Variants in AFG2A observed in about 807,000 individuals in gnomAD.
AFG2A encodes the protein AAA ATPase AFG2A.
the AFG2A span, among the ~76,000 whole-genome samples, chr4:123,167,239 A>G: frequency 6.7e-6 from 1 of 148,882 alleles, no homozygotes; most frequent in Non-Finnish European, 1.5e-5. Flanking sequence ...ATAGATATCT[A>G]TATATAATAT....
At chr4:122,966,109 A>C in the AFG2A span, among the ~76,000 whole-genome samples, 1 of 152,156 alleles carries the variant, frequency 6.6e-6, no homozygotes. Flanking sequence ...TTTAACATTT[A>C]ATTCATACAA....
the AFG2A span, among the ~76,000 whole-genome samples, chr4:123,032,535 G>T: frequency 2.7e-4 from 41 of 152,150 alleles, no homozygotes; most frequent in East Asian, 3.1e-3. Context: ...GGGGTTACAG[G>T]CTCCCAAGTA....
chr4:123,115,734 C>G, the AFG2A span, among the ~76,000 whole-genome samples: 1 of 152,090 alleles, frequency 6.6e-6, no homozygotes, highest in Non-Finnish European at 1.5e-5. Flanking sequence ...CGTGCCCCAC[C>G]ACAGCCGGTC....
chr4:123,226,709 A>G, the AFG2A span, among the ~76,000 whole-genome samples: 1 of 152,068 alleles, frequency 6.6e-6, no homozygotes, highest in African/African-American at 2.4e-5. Flanking sequence ...TGGTATTAGG[A>G]TGATGCTGGC....
chr4:123,004,201 T>G, the AFG2A span, among the ~76,000 whole-genome samples: 1 of 152,166 alleles, frequency 6.6e-6, no homozygotes, highest in African/African-American at 2.4e-5. Context: ...ATTTTCCAGG[T>G]GCCCTCTGTT....
the AFG2A span, among the ~76,000 whole-genome samples, chr4:123,035,946 A>AT: frequency 6.6e-6 from 1 of 152,104 alleles, no homozygotes; most frequent in African/African-American, 2.4e-5. Context: ...GTTGGGTTTA[A>AT]TTTTTTATTC....
the AFG2A span, among the ~76,000 whole-genome samples, chr4:122,998,247 T>C: frequency 6.6e-6 from 1 of 152,198 alleles, no homozygotes. Flanking sequence ...AGGTTTACTC[T>C]GTTTTTTCTT....
chr4:123,025,103 C>CA, the AFG2A span, among the ~76,000 whole-genome samples: 1 of 152,240 alleles, frequency 6.6e-6, no homozygotes, highest in Non-Finnish European at 1.5e-5. Flanking sequence ...AATTCATCTA[C>CA]TGTTTTCCAG....
At chr4:123,210,382 AT>A in the AFG2A span, among the ~76,000 whole-genome samples, 1 of 152,120 alleles carries the variant, frequency 6.6e-6, no homozygotes, top group African/African-American at 2.4e-5. Context: ...GCTAACCACC[AT>A]TTACTCTCTC....
At chr4:123,004,252 T>C in the AFG2A span, among the ~76,000 whole-genome samples, 1 of 152,212 alleles carries the variant, frequency 6.6e-6, no homozygotes, top group Non-Finnish European at 1.5e-5. Flanking sequence ...CCTGATCCCT[T>C]GCGCTTCCCG....
the AFG2A span, among the ~76,000 whole-genome samples, chr4:123,209,691 G>A: frequency 6.6e-6 from 1 of 150,550 alleles, no homozygotes; most frequent in Admixed American, 6.7e-5. Context: ...GGGCTTAAGC[G>A]ATCTTCCACC....
the AFG2A span, among the ~76,000 whole-genome samples, chr4:122,954,721 T>C: frequency 6.6e-6 from 1 of 152,250 alleles, no homozygotes; most frequent in African/African-American, 2.4e-5. Context: ...AGACAACCCC[T>C]GGCCTGTGCT....
chr4:123,227,686 G>A, the AFG2A span, among the ~76,000 whole-genome samples: 11 of 151,924 alleles, frequency 7.2e-5, no homozygotes, highest in African/African-American at 2.2e-4. Flanking sequence ...ATGTATATTC[G>A]GTTGATTTGA....
At chr4:123,020,652 CTTT>C in the AFG2A span, among the ~76,000 whole-genome samples, 2 of 151,890 alleles carry the variant, frequency 1.3e-5, no homozygotes, top group Admixed American at 6.6e-5. Context: ...TTATATTCTG[CTTT>C]TTTATTACAT....
the AFG2A span, among the ~76,000 whole-genome samples, chr4:123,285,951 T>A: frequency 0.73 from 110,736 of 152,042 alleles, 41,413 homozygotes; most frequent in Non-Finnish European, 0.81. Flanking sequence ...AATAGTGCTA[T>A]TATCACCATC....
At chr4:123,037,421 T>C in the AFG2A span, among the ~76,000 whole-genome samples, 3 of 152,104 alleles carry the variant, frequency 2.0e-5, no homozygotes, top group African/African-American at 7.2e-5. Context: ...ATAACTCAAT[T>C]AATGGTACTT....
the AFG2A span, among the ~76,000 whole-genome samples, chr4:123,053,638 T>C: frequency 7.2e-5 from 11 of 152,274 alleles, no homozygotes; most frequent in African/African-American, 2.6e-4. Context: ...TCTTGTCACA[T>C]TGGCTCAGAT....
At chr4:123,227,409 T>C in the AFG2A span, among the ~76,000 whole-genome samples, 1 of 152,246 alleles carries the variant, frequency 6.6e-6, no homozygotes, top group African/African-American at 2.4e-5. Context: ...TGGTACGTTG[T>C]GTCTTTGTTC....
chr4:122,961,934 C>A, the AFG2A span, among the ~76,000 whole-genome samples: 1 of 152,218 alleles, frequency 6.6e-6, no homozygotes, highest in Non-Finnish European at 1.5e-5. Flanking sequence ...ATTCAGTGGT[C>A]CCCAACCTTT....
Sources: gnomAD v4.1 joint callset for allele counts (sites outside exome capture counted in the v4.1 genomes callset) on GRCh38, gnomAD v4.1.1 for gene constraint, MANE v1.5 for transcripts, NCBI Gene and HGNC (gene_info 2026-07-23, HGNC 2026-07-21) for gene names.